Variants in DGKB observed in about 807,000 individuals in gnomAD.
The protein encoded by DGKB is diacylglycerol kinase beta.
Under a neutral mutation model 114.3 loss-of-function variants are expected in DGKB, and 67 were observed. The observed-to-expected ratio is 0.59, with a 90% CI of 0.48 to 0.72. The LOEUF is 0.72. Among genes scored for constraint, DGKB ranks in the 30% least tolerant of loss-of-function variants. DGKB has a pLI of 0.00. For synonymous variants in DGKB, 398 were observed against 323.1 expected (o/e 1.23, Z -2.49); for missense variants, 907 against 975.2 (o/e 0.93, Z 0.93).
chr7:14,171,080 G>T (rs1411062871), intron 25 of DGKB, among the ~76,000 whole-genome samples: 1 of 152,180 alleles, frequency 6.6e-6, no homozygotes, highest in East Asian at 1.9e-4. Flanking sequence ...GGTGGGGATT[G>T]GTCCCGCACC....
At chr7:14,850,975 C>A (rs533189667) in intron 1 of DGKB, among the ~76,000 whole-genome samples, 1 of 152,246 alleles carries the variant, frequency 6.6e-6, no homozygotes, top group East Asian at 1.9e-4. Flanking sequence ...TAGATAATAT[C>A]TCCCACTTCA....
intron 9 of DGKB, among the ~76,000 whole-genome samples, chr7:14,686,963 T>C (rs1821807023): frequency 1.3e-5 from 2 of 152,194 alleles, no homozygotes; most frequent in Non-Finnish European, 2.9e-5. Flanking sequence ...GCCAGTTTGC[T>C]TACTATACTT....
chr7:14,296,220 C>T (rs1276433619), intron 23 of DGKB, among the ~76,000 whole-genome samples: 3 of 151,760 alleles, frequency 2.0e-5, no homozygotes, highest in East Asian at 1.9e-4. Context: ...TTAATAGAGA[C>T]GGGGTTTCAC....
chr7:14,297,389 G>C (rs1257090506), intron 23 of DGKB, among the ~76,000 whole-genome samples: 7 of 152,094 alleles, frequency 4.6e-5, no homozygotes, highest in Non-Finnish European at 1.0e-4. Context: ...GGGATGCAAG[G>C]CTGGTTCAAC....
At chr7:14,792,300 AT>A (rs1260518943) in intron 2 of DGKB, among the ~76,000 whole-genome samples, 1 of 152,134 alleles carries the variant, frequency 6.6e-6, no homozygotes, top group Non-Finnish European at 1.5e-5. Context: ...TATTTGGTAT[AT>A]ATTAAGTGCT....
intron 23 of DGKB, among the ~76,000 whole-genome samples, chr7:14,281,774 C>T (rs959772668): frequency 4.0e-5 from 6 of 151,806 alleles, no homozygotes; most frequent in East Asian, 2.0e-4. Flanking sequence ...GGGTACATAA[C>T]GAAATGAAGG....
At chr7:14,769,235 AAAGAAAG>A (rs1837016277) in intron 2 of DGKB, among the ~76,000 whole-genome samples, 1 of 118,220 alleles carries the variant, frequency 8.5e-6, no homozygotes, top group African/African-American at 4.1e-5. Flanking sequence ...AGAGAGAAAG[AAAGAAAG>A]AAAGAAAGAA....
At chr7:14,453,229 G>A (rs1321948745) in intron 21 of DGKB, among the ~76,000 whole-genome samples, 2 of 152,136 alleles carry the variant, frequency 1.3e-5, no homozygotes, top group Non-Finnish European at 2.9e-5. Flanking sequence ...CAGTTACTAA[G>A]TGGAGGAGCC....
chr7:14,232,239 C>A (rs943357101), intron 23 of DGKB, among the ~76,000 whole-genome samples: 1 of 151,894 alleles, frequency 6.6e-6, no homozygotes, highest in Admixed American at 6.6e-5. Context: ...CTTATCTTCT[C>A]AGAGACCCCT....
At position 14,841,345 on chromosome 7, in the gene DGKB, TCCACA is replaced by T; in HGVS notation, c.-87_-83del. On this transcript the variant is annotated 5_prime_UTR_variant, in exon 2 of 26. It removes an upstream start codon present in the reference 5' UTR. Transcript: ENST00000402815. ...GCGCAGAGGTCTATGCTTCAAAGAT[TCCACA>T]TGGCATGTTTCATGATAAAATACCT... The T allele has an allele frequency of 8.5e-7, 1 of 1,175,610 alleles. No individual in the cohort carries two copies. The highest frequency in any genetic ancestry group is 2.3e-5 in the Admixed American group (1 of 44,110). 72.8% of individuals were successfully genotyped at this position (1,175,610 alleles called of 1,614,324 possible).
chr7:14,467,368 A>C (rs2128880270), intron 21 of DGKB, among the ~76,000 whole-genome samples: 1 of 151,168 alleles, frequency 6.6e-6, no homozygotes, highest in African/African-American at 2.4e-5. Flanking sequence ...AATGTATACA[A>C]ACATCAAAGA....
chr7:14,180,857 C>G (rs1395535886), intron 23 of DGKB, among the ~76,000 whole-genome samples: 1 of 152,100 alleles, frequency 6.6e-6, no homozygotes, highest in Non-Finnish European at 1.5e-5. Flanking sequence ...ACCTCACATT[C>G]TAGCTAAGAG....
intron 21 of DGKB, among the ~76,000 whole-genome samples, chr7:14,389,001 C>A (rs2128702969): frequency 6.6e-6 from 1 of 152,342 alleles, no homozygotes; most frequent in South Asian, 2.1e-4. Flanking sequence ...ACTGCCCTTT[C>A]ATGATAGCCT....
At chr7:14,170,315 C>G (rs983141710) in intron 25 of DGKB, among the ~76,000 whole-genome samples, 1 of 152,136 alleles carries the variant, frequency 6.6e-6, no homozygotes, top group African/African-American at 2.4e-5. Context: ...GGGCAAGTTA[C>G]TTGACTTCTC....
chr7:14,517,506 A>G (rs1480674994), intron 20 of DGKB, among the ~76,000 whole-genome samples: 1 of 152,132 alleles, frequency 6.6e-6, no homozygotes, highest in Non-Finnish European at 1.5e-5. Flanking sequence ...ACAGCAAAAG[A>G]AACTATCAAT....
intron 2 of DGKB, among the ~76,000 whole-genome samples, chr7:14,782,546 T>A (rs531581834): frequency 6.6e-6 from 1 of 152,184 alleles, no homozygotes; most frequent in African/African-American, 2.4e-5. Context: ...CCAAAAGAAA[T>A]ATTAACTTCT....
chr7:14,480,345 T>C (rs1442879437), intron 20 of DGKB, among the ~76,000 whole-genome samples: 1 of 152,082 alleles, frequency 6.6e-6, no homozygotes. Context: ...GTCTTTTCCT[T>C]GTGTTGAATA....
intron 2 of DGKB, among the ~76,000 whole-genome samples, chr7:14,771,733 A>T (rs2012289): frequency 0.36 from 54,228 of 151,604 alleles, 13,393 homozygotes; most frequent in African/African-American, 0.69. Flanking sequence ...TACCTTGAAA[A>T]TGCCCTGCAA....
At chr7:14,412,719 C>T (rs528873651) in intron 21 of DGKB, among the ~76,000 whole-genome samples, 10 of 152,208 alleles carry the variant, frequency 6.6e-5, no homozygotes, top group East Asian at 1.9e-4. Context: ...CGGTGGCTCA[C>T]GCCTGTAATC....
Sources: gnomAD v4.1 joint callset for allele counts (sites outside exome capture counted in the v4.1 genomes callset) on GRCh38, gnomAD v4.1.1 for gene constraint, MANE v1.5 for transcripts, NCBI Gene and HGNC (gene_info 2026-07-23, HGNC 2026-07-21) for gene names.